KCNU1: variants seen among roughly 807,000 people sequenced by gnomAD.
KCNU1 encodes the protein potassium channel subfamily U member 1.
Under a neutral mutation model 126.8 loss-of-function variants are expected in KCNU1, and 93 were observed. The ratio of observed to expected loss-of-function variants is 0.73; its 90% confidence interval spans 0.62 to 0.87. KCNU1 has a LOEUF of 0.87. KCNU1 is among the 40% of genes least tolerant of loss of function. The probability of loss-of-function intolerance (pLI) is 0.00; values close to 1 mark genes in which losing one functional copy is unlikely to be tolerated. For synonymous variants in KCNU1, 523 were observed against 494.2 expected (o/e 1.06, Z -0.77); for missense variants, 1,330 against 1,367.1 (o/e 0.97, Z 0.43).
intron 23 of KCNU1, 56 bp from the exon 24 acceptor site, chr8:36,922,433 CT>C: frequency 6.5e-7 from 1 of 1,548,132 alleles, no homozygotes; most frequent in Non-Finnish European, 8.7e-7. Context: ...ATGGATGGCA[CT>C]TCTTATATTC....
chr8:36,821,503 C>T (rs966304035), intron 10 of KCNU1, among the ~76,000 whole-genome samples: 6 of 152,092 alleles, frequency 3.9e-5, no homozygotes, highest in Non-Finnish European at 7.4e-5. Flanking sequence ...TAGGAGCCCC[C>T]ATCCAGGTCT....
At chr8:36,889,470 A>C (rs887823316) in intron 19 of KCNU1, among the ~76,000 whole-genome samples, 10 of 152,138 alleles carry the variant, frequency 6.6e-5, no homozygotes, top group Admixed American at 5.9e-4. Context: ...ATCACTTTTA[A>C]GGAAAAAAAA....
rs1275547053 is a variant in KCNU1, at chr8:36,806,359, T to A, written c.559T>A (p.Tyr187Asn). The change falls in exon 5 of 27, where the codon TAT (tyrosine) becomes AAT (asparagine). Residue 187 changes from tyrosine to asparagine, a missense_variant. Tyr to Asn is a moderately radical substitution (Grantham distance 143, BLOSUM62 -2). Around this residue, in one of 3 missense-constraint regions of KCNU1, gnomAD observed 247 missense variants for 255.4 expected, o/e 0.97. Coordinates refer to ENST00000399881, the MANE Select transcript of KCNU1 (RefSeq NM_001031836.3). ...FTIPPTFISYYLKSNWLGLRF... is the reference protein window; with the variant it reads ...FTIPPTFISYNLKSNWLGLRF... Reference sequence around the variant, plus strand: ...CATCCCACCAACCTTTATTTCTTATTATTTGAAGAGCAATTGGCTAGGTAA... The same window carrying A: ...CATCCCACCAACCTTTATTTCTTATAATTTGAAGAGCAATTGGCTAGGTAA... The A allele has an allele frequency of 6.2e-7, 1 of 1,603,362 alleles. No individual in the cohort carries two copies. Among genetic ancestry groups the A allele is most frequent in the Non-Finnish European group, 8.5e-7 (1 of 1,172,814 alleles).
intron 2 of KCNU1, among the ~76,000 whole-genome samples, chr8:36,802,443 A>G (rs565307511): frequency 6.6e-6 from 1 of 152,308 alleles, no homozygotes; most frequent in Non-Finnish European, 1.5e-5. Context: ...GCTTTGTGTC[A>G]GACGAGTTGC....
intron 18 of KCNU1, among the ~76,000 whole-genome samples, chr8:36,854,200 C>G (rs1395054332): frequency 6.6e-6 from 1 of 152,126 alleles, no homozygotes; most frequent in Non-Finnish European, 1.5e-5. Context: ...ATGTGTCAAT[C>G]TCTTTAAATT....
chr8:36,785,288 G>A (rs897051736), intron 1 of KCNU1, among the ~76,000 whole-genome samples: 8 of 152,174 alleles, frequency 5.3e-5, no homozygotes, highest in African/African-American at 1.9e-4. Flanking sequence ...CTGTGTAATG[G>A]ATGTTCTATT....
intron 19 of KCNU1, among the ~76,000 whole-genome samples, chr8:36,864,940 C>T (rs1805853612): frequency 6.6e-6 from 1 of 152,104 alleles, no homozygotes. Context: ...TGCCCTTTTC[C>T]TTGCAGCCTT....
chr8:36,855,289 G>T (rs900639568), intron 18 of KCNU1, among the ~76,000 whole-genome samples: 1 of 151,960 alleles, frequency 6.6e-6, no homozygotes, highest in Non-Finnish European at 1.5e-5. Context: ...TCTTCAATTT[G>T]CCCTGCTATC....
chr8:36,845,698 C>A, intron 17 of KCNU1, 29 bp downstream of exon 17: 1 of 1,525,614 alleles, frequency 6.6e-7, no homozygotes, highest in Non-Finnish European at 9.1e-7. Flanking sequence ...GGGGGAAAAG[C>A]ACTAAAGCAA....
At chr8:36,894,708 G>A (rs1807114663) in intron 19 of KCNU1, among the ~76,000 whole-genome samples, 1 of 152,078 alleles carries the variant, frequency 6.6e-6, no homozygotes, top group South Asian at 2.1e-4. Flanking sequence ...ACAACTACCT[G>A]TGAAAATATA....
At chr8:36,918,717 T>C (rs372483744) in intron 22 of KCNU1, 106 bp from the exon 23 acceptor site, 2 of 752,480 alleles carry the variant, frequency 2.7e-6, no homozygotes, top group Non-Finnish European at 4.6e-6. Flanking sequence ...TACATGAAAG[T>C]AACTTTGCTA....
chr8:36,923,385 A>G (rs952067816), intron 24 of KCNU1, among the ~76,000 whole-genome samples: 42 of 152,158 alleles, frequency 2.8e-4, no homozygotes, highest in African/African-American at 9.4e-4. Context: ...GAGATGTGAG[A>G]TAGGAAATGT....
At chr8:36,892,727 T>C (rs1413327104) in intron 19 of KCNU1, among the ~76,000 whole-genome samples, 2 of 152,060 alleles carry the variant, frequency 1.3e-5, no homozygotes, top group Non-Finnish European at 2.9e-5. Flanking sequence ...TGCCAAGGGA[T>C]TCTGTGTGCA....
chr8:36,830,577 G>T (rs1585427116), intron 10 of KCNU1, among the ~76,000 whole-genome samples: 1 of 151,802 alleles, frequency 6.6e-6, no homozygotes, highest in African/African-American at 2.4e-5. Flanking sequence ...TCTTTAAAAG[G>T]CTTTGTAGAA....
chr8:36,861,296 T>G lies in KCNU1; in HGVS notation c.1892-3108T>G, dbSNP rs529738511. Among the ~76,000 whole-genome samples, 7 of 152,330 alleles carry G rather than the reference T, an allele frequency of 4.6e-5. No individual in the cohort carries two copies. The South Asian group carries it at 1.4e-3, about 32-fold the overall frequency. ...GCAATTATTCTTCTAATGGTACAGT[T>G]GAGTGTGGCTTTCCATGATTTCCAA... On this transcript the variant is annotated intron_variant, in intron 18 of 26. Transcript: ENST00000399881.
chr8:36,935,200 C>T (rs1187387719), intron 26 of KCNU1, among the ~76,000 whole-genome samples: 1 of 152,042 alleles, frequency 6.6e-6, no homozygotes, highest in Non-Finnish European at 1.5e-5. Context: ...CCCCCTCTTC[C>T]CACTGGAACA....
chr8:36,785,831 G>A (rs752554798), intron 1 of KCNU1, among the ~76,000 whole-genome samples: 1 of 152,140 alleles, frequency 6.6e-6, no homozygotes, highest in South Asian at 2.1e-4. Flanking sequence ...TTACAAAAAT[G>A]TGACAGTACA....
In KCNU1 at chr8:36,909,314, C is replaced by T. The variant is rs201120325; in HGVS notation, c.2110C>T (p.Arg704Ter). 93 of 1,607,792 alleles carry T rather than the reference C, an allele frequency of 5.8e-5. No individual in the cohort carries two copies. Among genetic ancestry groups the T allele is most frequent in the Middle Eastern group, 1.6e-4 (1 of 6,072 alleles). The change falls in exon 21 of 27, where the codon CGA becomes TGA. Residue 704 changes from arginine to a stop codon, truncating the protein, a stop_gained. Coordinates refer to ENST00000399881, the MANE Select transcript of KCNU1 (RefSeq NM_001031836.3). LOFTEE classifies it high-confidence loss of function. Reference sequence around the variant, plus strand: ...ACTGTGGCATCCTTATCCTTAGAAACGAACTGGCAAGTCAAAGTATAAGTT... The same window carrying T: ...ACTGTGGCATCCTTATCCTTAGAAATGAACTGGCAAGTCAAAGTATAAGTT... ...PTSLDKVTLKRTGKSKYKFRN... is the reference protein window; with the variant it reads ...PTSLDKVTLK
At chr8:36,785,286 T>C (rs1431852273) in intron 1 of KCNU1, among the ~76,000 whole-genome samples, 1 of 152,222 alleles carries the variant, frequency 6.6e-6, no homozygotes, top group Non-Finnish European at 1.5e-5. Context: ...TGCTGTGTAA[T>C]GGATGTTCTA....
Sources: gnomAD v4.1 joint callset for allele counts (sites outside exome capture counted in the v4.1 genomes callset) on GRCh38, gnomAD v4.1.1 for gene constraint, gnomAD v4.1.1 regional missense constraint, MANE v1.5 for transcripts, NCBI Gene and HGNC (gene_info 2026-07-23, HGNC 2026-07-21) for gene names.